Variants in AJAP1 observed in about 807,000 individuals in gnomAD.
AJAP1 encodes the protein adherens junction-associated protein 1.
AJAP1 carries 5 observed loss-of-function variants against 35.0 expected under a neutral mutation model. That is an observed-to-expected ratio of 0.14 (90% CI 0.07 to 0.30). The LOEUF (loss-of-function observed/expected upper bound fraction) is 0.30, where lower values mean the gene tolerates loss of function less well. Among genes scored for constraint, AJAP1 ranks in the 10% least tolerant of loss-of-function variants. The pLI, the probability that AJAP1 is intolerant of heterozygous loss-of-function variation, is 1.00. For missense variants in AJAP1, 586 were observed against 571.0 expected (o/e 1.03, Z -0.27); for synonymous variants, 284 against 249.3 (o/e 1.14, Z -1.31).
intron 3 of AJAP1, among the ~76,000 whole-genome samples, chr1:4,771,136 C>T (rs1221666881): frequency 2.0e-5 from 3 of 152,184 alleles, no homozygotes; most frequent in African/African-American, 4.8e-5. Flanking sequence ...GCTTTTCTCA[C>T]ACTCGAGCTT....
At chr1:4,743,480 C>T (rs1023115840) in intron 2 of AJAP1, among the ~76,000 whole-genome samples, 8 of 152,248 alleles carry the variant, frequency 5.3e-5, no homozygotes, top group African/African-American at 1.7e-4. Flanking sequence ...CTGCCACCCG[C>T]GCCTGCTCCC....
intron 2 of AJAP1, among the ~76,000 whole-genome samples, chr1:4,747,412 C>T (rs141268147): frequency 5.9e-5 from 9 of 152,312 alleles, no homozygotes; most frequent in African/African-American, 1.4e-4. Context: ...TCTTGCAGAC[C>T]GGGTTGGCCA....
At chr1:4,698,784 C>T (rs1012763078) in intron 1 of AJAP1, among the ~76,000 whole-genome samples, 6 of 152,198 alleles carry the variant, frequency 3.9e-5, no homozygotes, top group Non-Finnish European at 7.3e-5. Flanking sequence ...ATTCTGTCCT[C>T]CTCACTGTGT....
chr1:4,737,265 G>A (rs1305018887), intron 2 of AJAP1, among the ~76,000 whole-genome samples: 2 of 152,036 alleles, frequency 1.3e-5, no homozygotes, highest in East Asian at 3.9e-4. Flanking sequence ...GCATGAGCCT[G>A]AGCCTGAGCC....
intron 5 of AJAP1, among the ~76,000 whole-genome samples, chr1:4,781,590 T>C (rs888699038): frequency 2.0e-5 from 3 of 152,260 alleles, no homozygotes; most frequent in Non-Finnish European, 2.9e-5. Flanking sequence ...ATATGTGTCA[T>C]CTGCACAGAT....
At chr1:4,764,087 T>C (rs1641629786) in intron 2 of AJAP1, among the ~76,000 whole-genome samples, 1 of 152,052 alleles carries the variant, frequency 6.6e-6, no homozygotes, top group Non-Finnish European at 1.5e-5. Flanking sequence ...CTTTCCTGGT[T>C]CTCCAGCTTG....
intron 1 of AJAP1, among the ~76,000 whole-genome samples, chr1:4,661,657 AAAC>A (rs767050977): frequency 1.3e-5 from 2 of 152,230 alleles, no homozygotes; most frequent in South Asian, 2.1e-4. Context: ...CAAAATTTTC[AAAC>A]AACAACAACA....
chr1:4,706,686 C>T (rs1478525302), intron 1 of AJAP1, among the ~76,000 whole-genome samples: 1 of 152,226 alleles, frequency 6.6e-6, no homozygotes, highest in East Asian at 1.9e-4. Context: ...TCACGCCGCA[C>T]ACTCCCGGCT....
rs748803804 is a variant in AJAP1 at position 4,720,131 on chromosome 1, C to T, written c.829+7432C>T. ...AAGTTCCAAGTGACGTTTGAGGGCT[C>T]CCCAGGTGGTCACTGACACTCAGTC... On this transcript the variant is annotated intron_variant, in intron 2 of 5. Transcript: ENST00000378191. The surrounding 1 kb of genome is among the most constrained non-coding windows in gnomAD (Gnocchi z 4.4). Among the ~76,000 whole-genome samples, 4 of 152,180 alleles carry T rather than the reference C, an allele frequency of 2.6e-5. No homozygotes were observed. The highest frequency in any genetic ancestry group is 4.8e-5 in the African/African-American group (2 of 41,444).
chr1:4,773,705 C>T (rs1006657047), intron 4 of AJAP1, among the ~76,000 whole-genome samples: 1 of 152,230 alleles, frequency 6.6e-6, no homozygotes, highest in African/African-American at 2.4e-5. Context: ...GATTTCCAAA[C>T]TGTTTCACTG....
At chr1:4,681,370 C>T (rs1351619112) in intron 1 of AJAP1, among the ~76,000 whole-genome samples, 2 of 152,208 alleles carry the variant, frequency 1.3e-5, no homozygotes, top group Non-Finnish European at 2.9e-5. Flanking sequence ...GGAAAGGAGG[C>T]TGGGTGCTTG....
intron 5 of AJAP1, among the ~76,000 whole-genome samples, chr1:4,775,369 C>T (rs920594914): frequency 6.6e-6 from 1 of 152,178 alleles, no homozygotes; most frequent in African/African-American, 2.4e-5. Flanking sequence ...GGGCTTTCTA[C>T]GCATCCTCAT....
intron 2 of AJAP1, among the ~76,000 whole-genome samples, chr1:4,745,062 T>C (rs1437135535): frequency 1.3e-5 from 2 of 152,028 alleles, no homozygotes; most frequent in African/African-American, 2.4e-5. Context: ...CTTGGAAGGA[T>C]TGAGTGAGCC....
At chr1:4,756,728 G>A (rs1641440446) in intron 2 of AJAP1, among the ~76,000 whole-genome samples, 1 of 152,222 alleles carries the variant, frequency 6.6e-6, no homozygotes, top group African/African-American at 2.4e-5. Context: ...CAAACCTTCT[G>A]AAACAAGTTT....
chr1:4,760,015 C>A (rs911294091), intron 2 of AJAP1, among the ~76,000 whole-genome samples: 2 of 152,194 alleles, frequency 1.3e-5, no homozygotes, highest in Non-Finnish European at 2.9e-5. Flanking sequence ...TCCTTCCCCC[C>A]AGCACTGGCC....
rs993748517 is a variant in AJAP1, at chr1:4,670,114, A to T, written c.29+14660A>T. ...GAAGGATGGTGACCCCCTACCATTTACAGGTGGCTGCCCAGCAACAGAGCC... is the reference window on the plus strand; with the variant it reads ...GAAGGATGGTGACCCCCTACCATTTTCAGGTGGCTGCCCAGCAACAGAGCC... On this transcript the variant is annotated intron_variant, in intron 1 of 5. Transcript: ENST00000378191. Among the ~76,000 whole-genome samples the T allele has an allele frequency of 3.3e-4, 51 of 152,264 alleles. 1 individual carries two copies. Among genetic ancestry groups the T allele is most frequent in the African/African-American group, 1.2e-3 (50 of 41,544 alleles).
chr1:4,669,879 A>C (rs1639213894), intron 1 of AJAP1, among the ~76,000 whole-genome samples: 1 of 152,066 alleles, frequency 6.6e-6, no homozygotes, highest in Non-Finnish European at 1.5e-5. Context: ...GTGAACATAC[A>C]TGTACAGGTG....
chr1:4,748,204 A>G lies in AJAP1; in HGVS notation c.830-21649A>G, dbSNP rs139448622. On this transcript the variant is annotated intron_variant, in intron 2 of 5. Coordinates refer to ENST00000378191, the MANE Select transcript of AJAP1 (RefSeq NM_018836.4). The stretch of plus-strand genomic sequence containing the variant: ...CCCCGTCCATCAGCTACTCCCTCCC[A>G]TTGACCCTCACCCTGGAAGAGCCTC... Among the ~76,000 whole-genome samples, 78 of 151,562 alleles carry G rather than the reference A, an allele frequency of 5.1e-4. No individual in the cohort carries two copies. In the East Asian group the frequency reaches 0.014, roughly 27 times the overall value.
chr1:4,680,450 GA>G (rs1382382919), intron 1 of AJAP1, among the ~76,000 whole-genome samples: 9 of 152,194 alleles, frequency 5.9e-5, no homozygotes, highest in Admixed American at 2.0e-4. Context: ...AACATGGGGG[GA>G]CACAATTCCA....
Sources: allele counts gnomAD v4.1 joint callset (sites outside exome capture counted in the v4.1 genomes callset), GRCh38; gene constraint gnomAD v4.1.1; non-coding constraint Gnocchi (gnomAD v3.1); transcripts MANE v1.5; gene names NCBI Gene and HGNC (gene_info 2026-07-23, HGNC 2026-07-21).